The following ZFPM2 variants were observed in gnomAD, a reference collection of about 807,000 sequenced individuals.
The protein encoded by ZFPM2 is zinc finger protein ZFPM2.
A neutral mutation model predicts 98.6 loss-of-function variants in ZFPM2; 20 were observed. The observed-to-expected ratio is 0.20, with a 90% CI of 0.14 to 0.29. The LOEUF (loss-of-function observed/expected upper bound fraction) is 0.29, where lower values mean the gene tolerates loss of function less well. Among genes scored for constraint, ZFPM2 ranks in the 10% least tolerant of loss-of-function variants. The probability of loss-of-function intolerance (pLI) is 1.00; values close to 1 mark genes in which losing one functional copy is unlikely to be tolerated. For missense variants in ZFPM2, 1,310 were observed against 1,388.6 expected (o/e 0.94, Z 0.90); for synonymous variants, 518 against 502.7 (o/e 1.03, Z -0.41).
intron 2 of ZFPM2, among the ~76,000 whole-genome samples, chr8:105,437,734 C>T (rs1475575742): frequency 6.6e-6 from 1 of 152,094 alleles, no homozygotes. Flanking sequence ...AAGGTGGCTG[C>T]CATTTTTAAT....
At position 105,570,320 on chromosome 8, in the gene ZFPM2, A is replaced by ATT. The variant is rs35050504; in HGVS notation, c.420+8848_420+8849dup. On this transcript the variant is annotated intron_variant, in intron 4 of 7. Transcript: ENST00000407775. ...GTTTTATTGATTTTTATTTTTATTT[A>ATT]TTTTTTTTTTGATGGAGGGGGATTA... Among the ~76,000 whole-genome samples the ATT allele has an allele frequency of 3.5e-3, 523 of 148,810 alleles. 4 individuals carry two copies. In the East Asian group the frequency reaches 0.046, roughly 13 times the overall value.
At chr8:105,612,854 A>G (rs1297411043) in intron 4 of ZFPM2, among the ~76,000 whole-genome samples, 1 of 152,234 alleles carries the variant, frequency 6.6e-6, no homozygotes, top group African/African-American at 2.4e-5. Context: ...TGAAATAAAG[A>G]AGATAATTTT....
At chr8:105,780,931 C>A (rs1257158444) in intron 5 of ZFPM2, among the ~76,000 whole-genome samples, 1 of 152,160 alleles carries the variant, frequency 6.6e-6, no homozygotes, top group Non-Finnish European at 1.5e-5. Flanking sequence ...TCAAAATGGA[C>A]GTCTTCTCTA....
intron 3 of ZFPM2, among the ~76,000 whole-genome samples, chr8:105,517,991 T>C (rs982790599): frequency 1.2e-4 from 18 of 152,192 alleles, no homozygotes; most frequent in African/African-American, 4.3e-4. Flanking sequence ...AGCTGGCCAA[T>C]GTTTACTCTA....
chr8:105,492,265 A>T (rs1271010279), intron 3 of ZFPM2, among the ~76,000 whole-genome samples: 1 of 152,170 alleles, frequency 6.6e-6, no homozygotes, highest in Admixed American at 6.5e-5. Flanking sequence ...CTTTTTAAGG[A>T]TATAGAATTT....
chr8:105,508,481 G>A (rs1034706544), intron 3 of ZFPM2, among the ~76,000 whole-genome samples: 12 of 151,898 alleles, frequency 7.9e-5, no homozygotes, highest in African/African-American at 1.9e-4. Flanking sequence ...TATTTCTCTC[G>A]TAACAATTAA....
chr8:105,559,146 T>G (rs1400051543), intron 3 of ZFPM2, among the ~76,000 whole-genome samples: 1 of 152,144 alleles, frequency 6.6e-6, no homozygotes, highest in Non-Finnish European at 1.5e-5. Flanking sequence ...TCAAAAAGAT[T>G]GCACAAAGAT....
At chr8:105,458,776 CAG>C (rs1322350655) in intron 3 of ZFPM2, among the ~76,000 whole-genome samples, 3 of 151,990 alleles carry the variant, frequency 2.0e-5, no homozygotes, top group African/African-American at 7.2e-5. Context: ...TTTCCATCTT[CAG>C]AGTCTTTGCT....
intron 5 of ZFPM2, among the ~76,000 whole-genome samples, chr8:105,711,628 G>A (rs1438039118): frequency 6.6e-6 from 1 of 151,916 alleles, no homozygotes; most frequent in Non-Finnish European, 1.5e-5. Flanking sequence ...ACTGTACAAG[G>A]AGAAATAAGT....
intron 7 of ZFPM2, among the ~76,000 whole-genome samples, chr8:105,800,544 C>T (rs994433421): frequency 3.3e-5 from 5 of 151,902 alleles, no homozygotes; most frequent in African/African-American, 1.2e-4. Flanking sequence ...AATTACTTTA[C>T]AAAATGGTTT....
At chr8:105,727,954 T>TAA (rs547786397) in intron 5 of ZFPM2, among the ~76,000 whole-genome samples, 2 of 137,414 alleles carry the variant, frequency 1.5e-5, no homozygotes, top group Admixed American at 7.4e-5. Context: ...ATAGTATGAT[T>TAA]AAAAAAAAAA....
intron 3 of ZFPM2, among the ~76,000 whole-genome samples, chr8:105,532,738 C>T (rs540254185): frequency 6.6e-6 from 1 of 151,548 alleles, no homozygotes; most frequent in East Asian, 1.9e-4. Context: ...TGATTGTGCC[C>T]AGTGAATGAT....
At chr8:105,562,024 G>A (rs1240017383) in intron 4 of ZFPM2, among the ~76,000 whole-genome samples, 2 of 152,084 alleles carry the variant, frequency 1.3e-5, no homozygotes, top group African/African-American at 4.8e-5. Flanking sequence ...AAGTAATGGA[G>A]GCTGGGCACA....
At chr8:105,723,186 C>T (rs1811711509) in intron 5 of ZFPM2, among the ~76,000 whole-genome samples, 1 of 151,738 alleles carries the variant, frequency 6.6e-6, no homozygotes, top group Non-Finnish European at 1.5e-5. Flanking sequence ...CAGTCTCTTT[C>T]ATGATATTCT....
At chr8:105,403,134 A>G (rs1811372759) in intron 1 of ZFPM2, among the ~76,000 whole-genome samples, 1 of 151,938 alleles carries the variant, frequency 6.6e-6, no homozygotes, top group Non-Finnish European at 1.5e-5. Flanking sequence ...CTTAGTGTTG[A>G]TTTTGTTTTC....
At chr8:105,375,616 G>C (rs1178075652) in intron 1 of ZFPM2, among the ~76,000 whole-genome samples, 1 of 152,210 alleles carries the variant, frequency 6.6e-6, no homozygotes. Context: ...TTCACCAGTT[G>C]AGTAGTGAAG....
chr8:105,679,116 GA>G (rs1369870889), intron 5 of ZFPM2: 1 of 152,164 alleles, frequency 6.6e-6, no homozygotes, highest in Non-Finnish European at 1.5e-5. Context: ...GAGATGAGTT[GA>G]TAGTATACTT....
chr8:105,347,175 A>G (rs1356269363), intron 1 of ZFPM2, among the ~76,000 whole-genome samples: 1 of 150,932 alleles, frequency 6.6e-6, no homozygotes, highest in Non-Finnish European at 1.5e-5. Context: ...AGAAAAACGT[A>G]TTGAAGGCAC....
chr8:105,740,601 G>A (rs1399684333), intron 5 of ZFPM2, among the ~76,000 whole-genome samples: 1 of 148,388 alleles, frequency 6.7e-6, no homozygotes, highest in Admixed American at 6.8e-5. Context: ...TAGAGTCATG[G>A]AAAATAGAAA....
Sources: gnomAD v4.1 joint callset for allele counts (sites outside exome capture counted in the v4.1 genomes callset) on GRCh38, gnomAD v4.1.1 for gene constraint, MANE v1.5 for transcripts, NCBI Gene and HGNC (gene_info 2026-07-23, HGNC 2026-07-21) for gene names.